The following ACSF3 variants were observed in gnomAD, a reference collection of about 807,000 sequenced individuals.
ACSF3 encodes malonate--CoA ligase ACSF3, mitochondrial.
Under a neutral mutation model 53.2 loss-of-function variants are expected in ACSF3, and 78 were observed. The ratio of observed to expected loss-of-function variants is 1.47; its 90% CI spans 1.22 to 1.77. The LOEUF (loss-of-function observed/expected upper bound fraction) is 1.77. Ranked by LOEUF, ACSF3 falls within the 40% of genes most tolerant of loss-of-function variation. The pLI is 0.00. For missense variants in ACSF3, 937 were observed against 771.1 expected (o/e 1.22, Z -2.55); for synonymous variants, 414 against 333.1 (o/e 1.24, Z -2.65).
intron 6 of ACSF3, among the ~76,000 whole-genome samples, chr16:89,116,539 C>G (rs994588103): frequency 6.6e-6 from 1 of 152,092 alleles, no homozygotes; most frequent in African/African-American, 2.4e-5. Context: ...AGTGTAAAGT[C>G]TCGGTTTGGC....
At chr16:89,142,530 C>CAG (rs1196425506) in intron 8 of ACSF3, among the ~76,000 whole-genome samples, 40 of 80,328 alleles carry the variant, frequency 5.0e-4, no homozygotes, top group African/African-American at 2.3e-3. Context: ...CCCACACCTG[C>CAG]AGACACACCC....
intron 1 of ACSF3, among the ~76,000 whole-genome samples, chr16:89,096,857 CT>C (rs889200401): frequency 2.2e-3 from 328 of 152,140 alleles, no homozygotes; most frequent in Middle Eastern, 0.01. Context: ...TCTCTGGGAG[CT>C]GGGACCATGT....
chr16:89,099,503 G>T (rs547147421), intron 2 of ACSF3, among the ~76,000 whole-genome samples: 70 of 152,322 alleles, frequency 4.6e-4, no homozygotes, highest in Non-Finnish European at 8.1e-4. Flanking sequence ...TGGCTTGGCT[G>T]GGTGCAGTGG....
At chr16:89,133,340 A>T in intron 8 of ACSF3, 78 bp downstream of exon 8, 1 of 1,592,484 alleles carries the variant, frequency 6.3e-7, no homozygotes, top group Non-Finnish European at 8.6e-7. Flanking sequence ...GTTGAGTGAC[A>T]CCGAGGCTGG....
chr16:89,109,506 G>A (rs1976437064), intron 4 of ACSF3, among the ~76,000 whole-genome samples: 1 of 148,300 alleles, frequency 6.7e-6, no homozygotes, highest in Admixed American at 6.8e-5. Context: ...CCGCCTCCTG[G>A]GTTCAAGCGC....
At chr16:89,133,536 C>T (rs896541962) in intron 8 of ACSF3, among the ~76,000 whole-genome samples, 13 of 152,176 alleles carry the variant, frequency 8.5e-5, no homozygotes, top group African/African-American at 2.9e-4. Flanking sequence ...TCCCTCAGCG[C>T]GACAGCCGCT....
Position 89,117,256 on chromosome 16 carries a change from C to T in ACSF3, c.1126+2769C>T, listed in dbSNP as rs569048822. 1.2e-3 allele frequency among the ~76,000 whole-genome samples: 183 copies of T among 152,310 alleles called. 2 individuals are homozygous for T. The highest frequency in any genetic ancestry group is 3.8e-3 in the African/African-American group (159 of 41,548). ...TGGGCGTCCTCTCTTTTGATCTTCT[C>T]GAAACAGCCCCTGCGATGGGGTCAT... On this transcript the variant is annotated intron_variant, in intron 6 of 10. Transcript: ENST00000614302.
intron 4 of ACSF3, among the ~76,000 whole-genome samples, chr16:89,103,522 G>A (rs1456541631): frequency 2.0e-5 from 3 of 152,236 alleles, no homozygotes; most frequent in Non-Finnish European, 4.4e-5. Flanking sequence ...CCTTTGTGCA[G>A]CCTATGCGGA....
chr16:89,129,128 C>T (rs1464286459), intron 7 of ACSF3, among the ~76,000 whole-genome samples: 1 of 152,066 alleles, frequency 6.6e-6, no homozygotes, highest in African/African-American at 2.4e-5. Context: ...AGTGTGTGTC[C>T]TGCTCGTTTT....
Position 89,136,937 on chromosome 16 carries a change from G to A in ACSF3, c.1366+3675G>A, listed in dbSNP as rs1313022081. ...CTTCAGACGTCAAAGGTCTGTCTCAGGTAACTCCTCTGACGGCCACAATGA... is the reference window on the plus strand; with the variant it reads ...CTTCAGACGTCAAAGGTCTGTCTCAAGTAACTCCTCTGACGGCCACAATGA... On this transcript the variant is annotated intron_variant, in intron 8 of 10. Coordinates refer to ENST00000614302, the MANE Select transcript of ACSF3 (RefSeq NM_001243279.3). The A allele has an allele frequency of 3.5e-6, 4 of 1,140,112 alleles. No homozygotes were observed. The Admixed American group carries it at 1.2e-4, about 33-fold the overall frequency. 70.6% of individuals were successfully genotyped at this position (1,140,112 alleles called of 1,614,324 possible). A position where few individuals can be genotyped will look rare whatever the true frequency, so the allele number is the denominator to read the frequency against.
At chr16:89,141,192 T>G (rs1274119347) in intron 8 of ACSF3, 1 of 1,287,132 alleles carries the variant, frequency 7.8e-7, no homozygotes, top group Non-Finnish European at 1.0e-6. Context: ...CTGGCTCCGA[T>G]GCCTCTGAGC....
At chr16:89,135,736 C>G (rs2151529681) in intron 8 of ACSF3, among the ~76,000 whole-genome samples, 1 of 152,340 alleles carries the variant, frequency 6.6e-6, no homozygotes, top group South Asian at 2.1e-4. Flanking sequence ...CTCTGAATGC[C>G]CCGACCCCAA....
chr16:89,114,679 C>G, intron 6 of ACSF3, 192 bp downstream of exon 6: 1 of 800,790 alleles, frequency 1.2e-6, no homozygotes, highest in Non-Finnish European at 2.0e-6. Context: ...TCAGCCTTCT[C>G]CCAAGTCTCA....
rs117388947 is a variant in ACSF3, at chr16:89,124,478, G to T, written c.1239+3565G>T. Among the ~76,000 whole-genome samples the T allele has an allele frequency of 8.1e-5, 7 of 86,498 alleles. No homozygotes were observed. In the East Asian group the frequency reaches 1.7e-3, roughly 21 times the overall value. 56.7% of individuals were successfully genotyped at this position (86,498 alleles called of 152,430 possible). A position where few individuals can be genotyped will look rare whatever the true frequency, so the allele number is the denominator to read the frequency against. On this transcript the variant is annotated intron_variant, in intron 7 of 10. Coordinates refer to ENST00000614302, the MANE Select transcript of ACSF3 (RefSeq NM_001243279.3). Reference sequence around the variant, plus strand: ...CGTACTCTGCGCATGTGTGATACCCGTGCACACACTGAGTGTGTGTTACCT... The same window carrying T: ...CGTACTCTGCGCATGTGTGATACCCTTGCACACACTGAGTGTGTGTTACCT...
chr16:89,135,115 C>T (rs1910156227), intron 8 of ACSF3, among the ~76,000 whole-genome samples: 1 of 127,254 alleles, frequency 7.9e-6, no homozygotes. Flanking sequence ...TTATGCTGAA[C>T]ATCATTATTT....
chr16:89,101,186 C>T lies in ACSF3; in HGVS notation c.505C>T (p.Pro169Ser), dbSNP rs1176206432. 3 of 1,606,556 alleles carry T rather than the reference C, an allele frequency of 1.9e-6. No homozygotes were observed. Among genetic ancestry groups the T allele is most frequent in the Non-Finnish European group, 8.5e-7 (1 of 1,176,904 alleles). Residue 169 changes from proline (P) to serine (S), a missense_variant, in exon 3 of 11, where the codon CCG becomes TCG. Physicochemically the swap from Pro to Ser is moderately conservative, Grantham distance 74. Transcript: ENST00000614302. Reference sequence around the variant, plus strand: ...CAGGAAGCTGGGGGTCCCGCTGCTGCCGCTCACACCAGCCATCTACACTGG... The same window carrying T: ...CAGGAAGCTGGGGGTCCCGCTGCTGTCGCTCACACCAGCCATCTACACTGG... ...VVRKLGVPLL[P>S]LTPAIYTGAV...
chr16:89,127,925 C>T lies in ACSF3; in HGVS notation c.1240-5211C>T, dbSNP rs576212675. On this transcript the variant is annotated intron_variant, in intron 7 of 10. Coordinates refer to ENST00000614302, the MANE Select transcript of ACSF3 (RefSeq NM_001243279.3). ...TCAGGGCCTGAAGTTATGTGGCTCCCATTCCTCATGTTGGTAATTTGTGTC... is the reference window on the plus strand; with the variant it reads ...TCAGGGCCTGAAGTTATGTGGCTCCTATTCCTCATGTTGGTAATTTGTGTC... 2.6e-5 allele frequency among the ~76,000 whole-genome samples: 4 copies of T among 152,278 alleles called. No individual in the cohort carries two copies. In the East Asian group the frequency reaches 7.7e-4, roughly 29 times the overall value.
At chr16:89,136,158 C>T (rs1036005192) in intron 8 of ACSF3, among the ~76,000 whole-genome samples, 5 of 152,228 alleles carry the variant, frequency 3.3e-5, no homozygotes, top group African/African-American at 1.2e-4. Flanking sequence ...GTGGATTTTG[C>T]GAGTCGCGGG....
intron 4 of ACSF3, among the ~76,000 whole-genome samples, chr16:89,109,913 G>T (rs72817448): frequency 6.6e-6 from 1 of 152,194 alleles, no homozygotes; most frequent in African/African-American, 2.4e-5. Context: ...GTTTGCATCC[G>T]TATGTAATCT....
Sources: allele counts gnomAD v4.1 joint callset (sites outside exome capture counted in the v4.1 genomes callset), GRCh38; gene constraint gnomAD v4.1.1; transcripts MANE v1.5; gene names NCBI Gene and HGNC (gene_info 2026-07-23, HGNC 2026-07-21).